The following LARS2 variants were observed in gnomAD, a reference collection of about 807,000 sequenced individuals.
LARS2 encodes leucyl-tRNA synthetase 2, mitochondrial, also known as leucine--tRNA ligase, mitochondrial.
LARS2 carries 81 observed loss-of-function variants against 116.6 expected under a neutral mutation model. The observed-to-expected ratio is 0.69, with a 90% confidence interval of 0.58 to 0.84. The LOEUF is 0.84. LARS2 is among the 40% of genes least tolerant of loss of function. The pLI is 0.00. For synonymous variants in LARS2, 396 were observed against 407.2 expected (o/e 0.97, Z 0.33); for missense variants, 968 against 1,114.5 (o/e 0.87, Z 1.87).
intron 20 of LARS2, among the ~76,000 whole-genome samples, chr3:45,536,153 A>C (rs1017306275): frequency 2.5e-3 from 16 of 6,292 alleles, no homozygotes; most frequent in African/African-American, 0.012. Flanking sequence ...ACAGGGTCTC[A>C]CTCTGTTGCC....
chr3:45,522,371 A>G (rs959013378), intron 19 of LARS2, among the ~76,000 whole-genome samples: 3 of 152,236 alleles, frequency 2.0e-5, no homozygotes, highest in African/African-American at 7.2e-5. Context: ...TGCCACCACC[A>G]TTAACCTCAT....
rs1700498295 is a variant in LARS2, at chr3:45,524,060, G to A, written c.2356G>A (p.Val786Ile). ...EFEDALCALM[V>I]MAAPLAPHVT... ...TGAGGATGCTTTGTGTGCCCTGATG[G>A]TAATGGCTGCTCCACTGGCCCCTCA... The change falls in exon 20 of 22, where the codon GTA (valine) becomes ATA (isoleucine). Residue 786 changes from valine to isoleucine, a missense_variant. By Grantham distance (29) the Val-to-Ile change is conservative. Transcript: ENST00000645846. The A allele has an allele frequency of 6.2e-7, 1 of 1,613,856 alleles. No homozygotes were observed. Among genetic ancestry groups the A allele is most frequent in the Admixed American group, 1.7e-5 (1 of 59,984 alleles).
rs398123036 is a variant in LARS2, at chr3:45,516,118, C to T, written c.1886C>T (p.Thr629Met). 41 of 1,614,012 alleles carry T rather than the reference C, an allele frequency of 2.5e-5. No individual in the cohort carries two copies. Among genetic ancestry groups the T allele is most frequent in the Admixed American group, 1.2e-4 (7 of 60,002 alleles). ...GGTTCCGTTCCTGTTCATGCAAAAA[C>T]GAAAGAGAAGTTAGAGGTGACGTGG... Reference protein sequence around the residue: ...LTGSVPVHAKTKEKLEVTWEK... With the variant: ...LTGSVPVHAKMKEKLEVTWEK... The change falls in exon 17 of 22, where the codon ACG becomes ATG. Residue 629 changes from threonine (T) to methionine (M), a missense_variant. Coordinates refer to ENST00000645846, the MANE Select transcript of LARS2 (RefSeq NM_015340.4).
Position 45,491,252 on chromosome 3 carries a change from A to G in LARS2, c.1240-265A>G, listed in dbSNP as rs369557243. Among the ~76,000 whole-genome samples the G allele has an allele frequency of 2.6e-5, 4 of 152,244 alleles. No homozygotes were observed. The East Asian group carries it at 5.8e-4, about 22-fold the overall frequency. The stretch of plus-strand genomic sequence containing the variant: ...AAGTTTTAATTTCTTTTAAAATCAG[A>G]AGAAAAAAATGAACTTTTAGGGTCA... On this transcript the variant is annotated intron_variant, in intron 12 of 21. Transcript: ENST00000645846.
intron 6 of LARS2, among the ~76,000 whole-genome samples, chr3:45,435,759 A>G (rs1698787122): frequency 6.6e-6 from 1 of 152,034 alleles, no homozygotes; most frequent in African/African-American, 2.4e-5. Flanking sequence ...AGGACTTACC[A>G]TTGTCATTCC....
chr3:45,479,408 GC>G (rs1553633953), intron 10 of LARS2, among the ~76,000 whole-genome samples: 1 of 151,994 alleles, frequency 6.6e-6, no homozygotes, highest in Non-Finnish European at 1.5e-5. Context: ...AGATGGCGAG[GC>G]CCCCAGAACA....
At chr3:45,499,181 C>T (rs1700075056) in intron 14 of LARS2, among the ~76,000 whole-genome samples, 2 of 152,096 alleles carry the variant, frequency 1.3e-5, no homozygotes, top group Non-Finnish European at 2.9e-5. Flanking sequence ...GTGGCTCACA[C>T]CTGTAGTCCC....
chr3:45,484,866 A>G (rs9875490), intron 10 of LARS2, among the ~76,000 whole-genome samples: 120,236 of 149,706 alleles, frequency 0.8, 52,249 homozygotes, highest in East Asian at 0.98. Context: ...TTTACTTTGT[A>G]TTCTTTGAAT....
At chr3:45,418,309 A>C (rs1465501409) in intron 5 of LARS2, among the ~76,000 whole-genome samples, 1 of 152,192 alleles carries the variant, frequency 6.6e-6, no homozygotes, top group Non-Finnish European at 1.5e-5. Context: ...TCTTTGTTCT[A>C]GCTTACCCAA....
intron 6 of LARS2, chr3:45,421,882 G>A (rs142914296): frequency 1.3e-5 from 2 of 152,240 alleles, no homozygotes; most frequent in East Asian, 1.9e-4. Context: ...GCAGAGTATC[G>A]GTTGTTTACC....
At chr3:45,527,744 G>A (rs759988837) in intron 20 of LARS2, among the ~76,000 whole-genome samples, 1 of 152,196 alleles carries the variant, frequency 6.6e-6, no homozygotes, top group Non-Finnish European at 1.5e-5. Flanking sequence ...TTGATATTTT[G>A]TGTGTTTCAC....
At chr3:45,406,772 G>A (rs1410075743) in intron 4 of LARS2, among the ~76,000 whole-genome samples, 2 of 152,170 alleles carry the variant, frequency 1.3e-5, no homozygotes, top group African/African-American at 4.8e-5. Flanking sequence ...TTGAGCAGGG[G>A]CCATTTGAAG....
chr3:45,433,672 CT>C, intron 6 of LARS2, among the ~76,000 whole-genome samples: 1 of 152,246 alleles, frequency 6.6e-6, no homozygotes, highest in East Asian at 1.9e-4. Context: ...GTATTTACCC[CT>C]ATTTTTGCAT....
intron 15 of LARS2, among the ~76,000 whole-genome samples, chr3:45,502,887 C>G (rs1700142745): frequency 6.6e-6 from 1 of 151,772 alleles, no homozygotes; most frequent in Admixed American, 6.6e-5. Context: ...ACTTTATTTT[C>G]TAAAATAGAT....
chr3:45,547,489 T>A lies in LARS2; in HGVS notation c.2671T>A (p.Ser891Thr), dbSNP rs749391494. The A allele has an allele frequency of 7.4e-6, 12 of 1,611,768 alleles. No individual in the cohort carries two copies. In the East Asian group the frequency reaches 2.5e-4, roughly 33 times the overall value. ...ACGAAGCATCAAGAAGTCCTTCCTT[T>A]CCCCGAGAACTGCCCTCATCAACTT... is the stretch of plus-strand genomic sequence containing the variant. ...QGRSIKKSFL[S>T]PRTALINFLV... The change falls in exon 22 of 22, where the codon TCC becomes ACC. Residue 891 changes from serine to threonine, a missense_variant. By Grantham distance (58) the Ser-to-Thr change is moderately conservative. Transcript: ENST00000645846.
chr3:45,484,774 G>A (rs1467027322), intron 10 of LARS2, among the ~76,000 whole-genome samples: 2 of 149,536 alleles, frequency 1.3e-5, no homozygotes, highest in Non-Finnish European at 3.0e-5. Flanking sequence ...CATAAATATT[G>A]TTCAACTGAG....
intron 20 of LARS2, among the ~76,000 whole-genome samples, chr3:45,528,941 C>T (rs1384798495): frequency 1.3e-5 from 2 of 151,462 alleles, no homozygotes; most frequent in Non-Finnish European, 2.9e-5. Flanking sequence ...ACAATCTCCA[C>T]TCACTGCAAC....
chr3:45,437,081 A>G (rs1487176720), intron 6 of LARS2, among the ~76,000 whole-genome samples: 2 of 152,246 alleles, frequency 1.3e-5, no homozygotes, highest in African/African-American at 4.8e-5. Context: ...AGATGTCTTT[A>G]AAACTGCAAA....
chr3:45,462,279 C>T (rs1382274823), intron 8 of LARS2, among the ~76,000 whole-genome samples: 1 of 152,042 alleles, frequency 6.6e-6, no homozygotes, highest in Non-Finnish European at 1.5e-5. Context: ...CATCGTGTCT[C>T]CATTCAGAAC....
Sources: gnomAD v4.1 joint callset for allele counts (sites outside exome capture counted in the v4.1 genomes callset) on GRCh38, gnomAD v4.1.1 for gene constraint, MANE v1.5 for transcripts, NCBI Gene and HGNC (gene_info 2026-07-23, HGNC 2026-07-21) for gene names.